MYCBP2: variants seen among roughly 807,000 people sequenced by gnomAD.
MYCBP2 encodes E3 ubiquitin-protein ligase MYCBP2.
In MYCBP2, 120 loss-of-function variants were observed where a neutral mutation model predicts 525.3. The observed-to-expected ratio is 0.23, with a 90% CI of 0.20 to 0.27. The LOEUF (loss-of-function observed/expected upper bound fraction) is 0.27, where lower values mean the gene tolerates loss of function less well. Ranked by LOEUF, MYCBP2 falls within the 10% of genes least tolerant of loss-of-function variation. The pLI is 1.00. For missense variants in MYCBP2, 4,149 were observed against 5,657.1 expected (o/e 0.73, Z 8.55); for synonymous variants, 1,894 against 1,955.8 (o/e 0.97, Z 0.83).
At chr13:77,245,538 T>C (rs990521149) in intron 15 of MYCBP2, among the ~76,000 whole-genome samples, 2 of 142,854 alleles carry the variant, frequency 1.4e-5, no homozygotes, top group Non-Finnish European at 3.0e-5. Context: ...TTCTCACTCA[T>C]AAGTGGGAGT....
chr13:77,304,066 T>C (rs1238188191), intron 1 of MYCBP2, among the ~76,000 whole-genome samples: 3 of 152,162 alleles, frequency 2.0e-5, no homozygotes, highest in South Asian at 2.1e-4. Context: ...GAAAATAGAA[T>C]GGAGGCTCCT....
chr13:77,086,402 G>A (rs920329160), intron 62 of MYCBP2, among the ~76,000 whole-genome samples: 1 of 152,004 alleles, frequency 6.6e-6, no homozygotes. Context: ...TGGTGTTCAG[G>A]TGATTCACTA....
chr13:77,157,028 A>G (rs2154199664), intron 45 of MYCBP2, among the ~76,000 whole-genome samples: 1 of 152,072 alleles, frequency 6.6e-6, no homozygotes, highest in East Asian at 1.9e-4. Context: ...TTCCCTTTTC[A>G]TCCTAAAAAC....
chr13:77,051,236 C>A, intron 81 of MYCBP2, 74 bp from the exon 82 acceptor site: 1 of 1,303,322 alleles, frequency 7.7e-7, no homozygotes, highest in South Asian at 1.5e-5. Flanking sequence ...TAGGCATATA[C>A]ATAGACAGCT....
chr13:77,068,232 G>T (rs1396312082), intron 70 of MYCBP2, among the ~76,000 whole-genome samples: 1 of 152,080 alleles, frequency 6.6e-6, no homozygotes, highest in Non-Finnish European at 1.5e-5. Context: ...GGTAATAGTA[G>T]TGGTAATTAC....
In MYCBP2 at chr13:77,045,364, A is replaced by C; in HGVS notation, c.*14T>G. On this transcript the variant is annotated 3_prime_UTR_variant, in exon 83 of 83. Coordinates refer to ENST00000544440, the MANE Select transcript of MYCBP2 (RefSeq NM_015057.5). ...AGGCAATTTTTCTCTCTGTAGACAA[A>C]GGATCTGCGTGTTCTAAAAAGTGTG... 1 of 1,594,640 alleles carries C rather than the reference A, an allele frequency of 6.3e-7. No homozygotes were observed. Among genetic ancestry groups the C allele is most frequent in the Non-Finnish European group, 8.6e-7 (1 of 1,164,204 alleles).
At chr13:77,072,300 G>GAAAAAAAAAAAAAAAAAAAAAAAAA (rs56238720) in intron 68 of MYCBP2, among the ~76,000 whole-genome samples, 4 of 121,192 alleles carry the variant, frequency 3.3e-5, no homozygotes, top group Non-Finnish European at 5.1e-5. Context: ...CAAAAAAAAA[G>GAAAAAAAAAAAAAAAAAAAAAAAAA]AAAAAAAAAA....
chr13:77,119,357 A>C (rs538207811), intron 55 of MYCBP2, among the ~76,000 whole-genome samples: 76 of 152,308 alleles, frequency 5.0e-4, no homozygotes, highest in African/African-American at 1.8e-3. Flanking sequence ...CTTTCTAGTC[A>C]TATTTCTGAA....
At chr13:77,155,124 A>G (rs1156683993) in intron 46 of MYCBP2, among the ~76,000 whole-genome samples, 1 of 152,146 alleles carries the variant, frequency 6.6e-6, no homozygotes, top group Non-Finnish European at 1.5e-5. Context: ...ATTTTGATTT[A>G]GTATCAGGGT....
intron 18 of MYCBP2, 138 bp from the exon 19 acceptor site, chr13:77,225,692 T>C: frequency 1.8e-6 from 2 of 1,085,990 alleles, no homozygotes; most frequent in Non-Finnish European, 2.6e-6. Context: ...CTGTTAGAAG[T>C]GATAGATCAA....
At position 77,261,307 on chromosome 13, in the gene MYCBP2, A is replaced by G. The variant is rs1460069047; in HGVS notation, c.1716T>C (p.Val572=). ...KQGGPSAGKW[V]ELPITKSPKI... ...TTGGAGATTTTGTAATTGGTAGCTC[A>G]ACCCATTTTCCTGCTGAAGGACCAC... is the stretch of plus-strand genomic sequence containing the variant. Residue 572 remains valine, a synonymous_variant, in exon 12 of 83, where the codon GTT becomes GTC. Coordinates refer to ENST00000544440, the MANE Select transcript of MYCBP2 (RefSeq NM_015057.5). 1 of 1,613,540 alleles carries G rather than the reference A, an allele frequency of 6.2e-7. No homozygotes were observed. The highest frequency in any genetic ancestry group is 8.5e-7 in the Non-Finnish European group (1 of 1,179,682).
intron 68 of MYCBP2, among the ~76,000 whole-genome samples, chr13:77,071,271 G>GCACACGCA (rs1555305949): frequency 7.0e-6 from 1 of 142,656 alleles, no homozygotes; most frequent in Non-Finnish European, 1.5e-5. Flanking sequence ...GTGTGCACAC[G>GCACACGCA]CACACACACA....
At chr13:77,069,389 G>A (rs927206728) in intron 69 of MYCBP2, among the ~76,000 whole-genome samples, 6 of 152,158 alleles carry the variant, frequency 3.9e-5, no homozygotes, top group African/African-American at 9.7e-5. Flanking sequence ...TTGGGAGGCC[G>A]AGGCGGGCGG....
At chr13:77,226,644 G>A (rs1020720311) in intron 18 of MYCBP2, among the ~76,000 whole-genome samples, 2 of 152,128 alleles carry the variant, frequency 1.3e-5, no homozygotes, top group African/African-American at 4.8e-5. Flanking sequence ...ATTTTAGAAT[G>A]TTAAACAGAA....
intron 3 of MYCBP2, among the ~76,000 whole-genome samples, chr13:77,287,175 T>C (rs1439168494): frequency 6.8e-4 from 95 of 139,904 alleles, no homozygotes; most frequent in South Asian, 4.4e-3. Context: ...GCGTGAGCCA[T>C]TACGCCCAGC....
At chr13:77,185,828 T>C (rs1263243018) in intron 31 of MYCBP2, 43 bp downstream of exon 31, 4 of 1,361,020 alleles carry the variant, frequency 2.9e-6, no homozygotes, top group Non-Finnish European at 4.0e-6. Context: ...TCAATGTCTC[T>C]AATATTTTCT....
chr13:77,208,822 T>C (rs2063654313), intron 23 of MYCBP2, among the ~76,000 whole-genome samples: 1 of 152,190 alleles, frequency 6.6e-6, no homozygotes, highest in South Asian at 2.1e-4. Flanking sequence ...CACATATTAT[T>C]TGTGTAAATT....
At chr13:77,270,151 G>A in intron 6 of MYCBP2, 88 bp from the exon 7 acceptor site, 3 of 1,415,876 alleles carry the variant, frequency 2.1e-6, no homozygotes, top group South Asian at 1.3e-5. Flanking sequence ...GACATTTAAT[G>A]CATGTATTTC....
chr13:77,094,987 C>T (rs1031825984), intron 58 of MYCBP2, among the ~76,000 whole-genome samples: 3 of 152,052 alleles, frequency 2.0e-5, no homozygotes, highest in African/African-American at 4.8e-5. Flanking sequence ...CATTTAAATG[C>T]TAACAGAATG....
Sources: gnomAD v4.1 joint callset for allele counts (sites outside exome capture counted in the v4.1 genomes callset) on GRCh38, gnomAD v4.1.1 for gene constraint, MANE v1.5 for transcripts, NCBI Gene and HGNC (gene_info 2026-07-23, HGNC 2026-07-21) for gene names.